Variants in GTF3C1 observed in about 807,000 individuals in gnomAD.
GTF3C1 encodes the protein general transcription factor 3C polypeptide 1.
In GTF3C1, 57 loss-of-function variants were observed where a neutral mutation model predicts 226.7. That is an observed-to-expected ratio of 0.25 (90% CI 0.20 to 0.31). The LOEUF is 0.31. Among genes scored for constraint, GTF3C1 ranks in the 10% least tolerant of loss-of-function variants. GTF3C1 has a pLI of 1.00. For missense variants in GTF3C1, 2,217 were observed against 2,776.1 expected, an observed-to-expected ratio of 0.80 and a Z score of 4.53; for synonymous variants, 1,090 against 1,084.8, an observed-to-expected ratio of 1.00 and a Z score of -0.09.
chr16:27,471,880 A>T lies in GTF3C1; in HGVS notation c.4394T>A (p.Val1465Glu), dbSNP rs1195063036. Residue 1465 changes from valine to glutamate, a missense_variant, in exon 30 of 37, where the codon GTG becomes GAG. Around this residue, in one of 12 missense-constraint regions of GTF3C1, gnomAD observed 546 missense variants for 663.0 expected, o/e 0.82. Transcript: ENST00000356183. This position sits in a 1 kb window ranked among gnomAD's most constrained non-coding sequence, Gnocchi z 5.0. ...LYREYKDHVL[V>E]KAFMECQKRS... ...CTTCTGGCACTCCATGAAGGCCTTC[A>T]CAAGAACGTGGTCCTTGTACTCCCG... 6.2e-7 allele frequency: 1 copy of T among 1,613,992 alleles called. No homozygotes were observed. The highest frequency in any genetic ancestry group is 8.5e-7 in the Non-Finnish European group (1 of 1,180,006).
Position 27,465,557 on chromosome 16 carries a change from G to A in GTF3C1, c.5075-17C>T, listed in dbSNP as rs777036272. On this transcript the variant is annotated splice_polypyrimidine_tract_variant and intron_variant, in intron 32 of 36. Transcript: ENST00000356183. ...GAGGAGCGGCTGTGGGGACACAGAGGAAGATCAGAGGCAGCCCGACAGAGG... is the reference window on the plus strand; with the variant it reads ...GAGGAGCGGCTGTGGGGACACAGAGAAAGATCAGAGGCAGCCCGACAGAGG... The A allele has an allele frequency of 1.3e-6, 2 of 1,587,056 alleles. No individual in the cohort carries two copies. The highest frequency in any genetic ancestry group is 1.7e-6 in the Non-Finnish European group (2 of 1,172,586).
At position 27,505,961 on chromosome 16, in the gene GTF3C1, A is replaced by G; in HGVS notation, c.1708T>C (p.Cys570Arg). 2 of 1,613,672 alleles carry G rather than the reference A, an allele frequency of 1.2e-6. No individual in the cohort carries two copies. The highest frequency in any genetic ancestry group is 2.2e-5 in the East Asian group (1 of 44,876). Reference sequence around the variant, plus strand: ...ATGTCACCACTGTTGCTGTCCGCACAGTGGGAGACAAAGGACACGTTGGGT... The same window carrying G: ...ATGTCACCACTGTTGCTGTCCGCACGGTGGGAGACAAAGGACACGTTGGGT... ...SEPNVSFVSH[C>R]ADSNSGDIAV... The change falls in exon 10 of 37, where the codon TGT becomes CGT. Residue 570 changes from cysteine (C) to arginine (R), a missense_variant. By Grantham distance (180) the Cys-to-Arg change is radical. Transcript: ENST00000356183.
Position 27,461,018 on chromosome 16 carries a change from C to T in GTF3C1, c.*332G>A, listed in dbSNP as rs2141333562. 2 of 226,634 alleles carry T rather than the reference C, an allele frequency of 8.8e-6. No homozygotes were observed. Among genetic ancestry groups the T allele is most frequent in the African/African-American group, 2.2e-5 (1 of 45,214 alleles). The allele number at this position is 226,634 out of a possible 1,614,324, so 14.0% of individuals were successfully genotyped here. On this transcript the variant is annotated 3_prime_UTR_variant, in exon 37 of 37. Coordinates refer to ENST00000356183, the MANE Select transcript of GTF3C1 (RefSeq NM_001520.4). The surrounding 1 kb of genome is among the most constrained non-coding windows in gnomAD (Gnocchi z 5.3). Reference sequence around the variant, plus strand: ...CACTCAAGGAGCCAGGAGATCCTGCCGAGATGGCTAGAGTCTGGAATGTGA... The same window carrying T: ...CACTCAAGGAGCCAGGAGATCCTGCTGAGATGGCTAGAGTCTGGAATGTGA...
chr16:27,513,017 T>C (rs2088600301), intron 6 of GTF3C1, among the ~76,000 whole-genome samples: 1 of 152,240 alleles, frequency 6.6e-6, no homozygotes, highest in Non-Finnish European at 1.5e-5. Flanking sequence ...GTGAACATGT[T>C]GCCTTCCATG....
At chr16:27,494,426 CA>C (rs895410000) in intron 16 of GTF3C1, among the ~76,000 whole-genome samples, 9 of 144,218 alleles carry the variant, frequency 6.2e-5, no homozygotes, top group Admixed American at 2.7e-4. Context: ...AAAAAAAAAA[CA>C]AAAAAAACCA....
Position 27,462,329 on chromosome 16 carries a change from C to A in GTF3C1, c.6082G>T (p.Val2028Phe). Residue 2028 changes from valine (V) to phenylalanine (F), a missense_variant, in exon 36 of 37, where the codon GTC becomes TTC. Coordinates refer to ENST00000356183, the MANE Select transcript of GTF3C1 (RefSeq NM_001520.4). The surrounding 1 kb of genome is among the most constrained non-coding windows in gnomAD (Gnocchi z 4.5). ...ESSLLRHYQG[V>F]LQPVAVLELL... Reference sequence around the variant, plus strand: ...TCCAGCACGGCGACGGGCTGCAGGACCCCCTGGTAGTGGCGCAGCAGGGAG... The same window carrying A: ...TCCAGCACGGCGACGGGCTGCAGGAACCCCTGGTAGTGGCGCAGCAGGGAG... 6.4e-7 allele frequency: 1 copy of A among 1,565,016 alleles called. No individual in the cohort carries two copies. Among genetic ancestry groups the A allele is most frequent in the Non-Finnish European group, 8.7e-7 (1 of 1,155,040 alleles).
chr16:27,488,949 A>G, intron 21 of GTF3C1, 94 bp downstream of exon 21: 1 of 1,178,996 alleles, frequency 8.5e-7, no homozygotes, highest in Non-Finnish European at 1.3e-6. Flanking sequence ...ATACAAACGG[A>G]AGCCAGTATT....
Position 27,478,527 on chromosome 16 carries a change from G to C in GTF3C1, c.4201C>G (p.Arg1401Gly). 1.2e-6 allele frequency: 2 copies of C among 1,609,828 alleles called. No individual in the cohort carries two copies. The highest frequency in any genetic ancestry group is 1.7e-6 in the Non-Finnish European group (2 of 1,176,172). ...DTLQELFARY[R>G]VLAIGDEKDQ... ...TTTTCATCCCCAATTGCCAAAACTC[G>C]GTACCTGCAAAAGAAACATAACAGC... The change falls in exon 28 of 37, where the codon CGA becomes GGA. Residue 1401 changes from arginine (R) to glycine (G), a missense_variant. Around this residue, in one of 12 missense-constraint regions of GTF3C1, gnomAD observed 546 missense variants for 663.0 expected, o/e 0.82. Coordinates refer to ENST00000356183, the MANE Select transcript of GTF3C1 (RefSeq NM_001520.4).
At chr16:27,506,488 C>A (rs2088486972) in intron 9 of GTF3C1, among the ~76,000 whole-genome samples, 1 of 152,160 alleles carries the variant, frequency 6.6e-6, no homozygotes, top group Non-Finnish European at 1.5e-5. Flanking sequence ...GCAAATGTGT[C>A]ATCAGCACCA....
At chr16:27,476,654 C>A in intron 28 of GTF3C1, 110 bp from the exon 29 acceptor site, 2 of 666,264 alleles carry the variant, frequency 3.0e-6, no homozygotes, top group Non-Finnish European at 5.4e-6. Context: ...GACACAAATG[C>A]CAAAACTATT....
Position 27,495,412 on chromosome 16 carries a change from T to G in GTF3C1, c.2431A>C (p.Ile811Leu). 6.2e-7 allele frequency: 1 copy of G among 1,614,038 alleles called. No individual in the cohort carries two copies. Among genetic ancestry groups the G allele is most frequent in the Non-Finnish European group, 8.5e-7 (1 of 1,179,888 alleles). Residue 811 changes from isoleucine to leucine, a missense_variant, in exon 15 of 37, where the codon ATC (isoleucine) becomes CTC (leucine). Physicochemically the swap from Ile to Leu is conservative, Grantham distance 5. This residue lies in a region of GTF3C1 where 353 missense variants were observed against 411.7 expected (regional missense o/e 0.86). Transcript: ENST00000356183. ...RVVHMFLWYL[I>L]YGHPASNTVE... ...GTGTTGCTGGCAGGGTGCCCGTAGA[T>G]GAGGTACCACAGAAACATGTGGACC...
In GTF3C1 at chr16:27,492,875, A is replaced by G. The variant is rs754188239; in HGVS notation, c.2877-162T>C. ...CCACACTGCACTAAGGCCCAGAACT[A>G]CCCAACCTAACACCCAACCAGGGCC... is the stretch of plus-strand genomic sequence containing the variant. On this transcript the variant is annotated intron_variant, in intron 17 of 36. Transcript: ENST00000356183. The surrounding 1 kb of genome is among the most constrained non-coding windows in gnomAD (Gnocchi z 5.0). Among the ~76,000 whole-genome samples, 20 of 151,954 alleles carry G rather than the reference A, an allele frequency of 1.3e-4. No homozygotes were observed. Among genetic ancestry groups the G allele is most frequent in the Non-Finnish European group, 2.4e-4 (16 of 67,986 alleles).
intron 15 of GTF3C1, 66 bp downstream of exon 15, chr16:27,495,145 G>A (rs1009152301): frequency 2.5e-5 from 30 of 1,212,438 alleles, no homozygotes; most frequent in Middle Eastern, 2.7e-4. Flanking sequence ...GAACTATCAT[G>A]TTTCTCCCTG....
intron 6 of GTF3C1, among the ~76,000 whole-genome samples, chr16:27,525,545 G>A (rs1481257093): frequency 6.6e-6 from 1 of 152,226 alleles, no homozygotes; most frequent in Non-Finnish European, 1.5e-5. Context: ...CTCAGACACA[G>A]GGAAGCCAGA....
chr16:27,535,403 T>C (rs1299352170), intron 4 of GTF3C1, among the ~76,000 whole-genome samples: 3 of 151,918 alleles, frequency 2.0e-5, no homozygotes, highest in African/African-American at 4.8e-5. Flanking sequence ...TGAAACCCCA[T>C]CTCTACTAAA....
At chr16:27,540,371 C>T (rs966040565) in intron 2 of GTF3C1, among the ~76,000 whole-genome samples, 1 of 152,106 alleles carries the variant, frequency 6.6e-6, no homozygotes, top group East Asian at 1.9e-4. Flanking sequence ...TCAAAACAGG[C>T]TCATTAAGTT....
At chr16:27,519,336 T>G (rs577126889) in intron 6 of GTF3C1, among the ~76,000 whole-genome samples, 2 of 152,308 alleles carry the variant, frequency 1.3e-5, no homozygotes, top group Non-Finnish European at 2.9e-5. Context: ...TCTTGTTTAT[T>G]TTGTAGGCAT....
chr16:27,533,938 G>A (rs553561718), intron 4 of GTF3C1, among the ~76,000 whole-genome samples: 28 of 152,250 alleles, frequency 1.8e-4, no homozygotes, highest in African/African-American at 6.7e-4. Flanking sequence ...TCTGGGAGGT[G>A]GAGGTTGCAG....
chr16:27,503,106 T>C (rs1235065390), intron 10 of GTF3C1, 111 bp from the exon 11 acceptor site: 1 of 718,300 alleles, frequency 1.4e-6, no homozygotes, highest in Non-Finnish European at 2.4e-6. Flanking sequence ...ACTCCCATCT[T>C]TCAAGAAGGG....
Sources: gnomAD v4.1 joint callset for allele counts (sites outside exome capture counted in the v4.1 genomes callset) on GRCh38, gnomAD v4.1.1 for gene constraint, gnomAD v4.1.1 regional missense constraint, Gnocchi (gnomAD v3.1) non-coding constraint, MANE v1.5 for transcripts, NCBI Gene and HGNC (gene_info 2026-07-23, HGNC 2026-07-21) for gene names.